The following RGSL1 variants were observed in gnomAD, a reference collection of about 807,000 sequenced individuals.
The protein encoded by RGSL1 is regulator of G protein signaling protein-like.
A neutral mutation model predicts 124.7 loss-of-function variants in RGSL1; 97 were observed. That is an observed-to-expected ratio of 0.78 (90% confidence interval 0.66 to 0.92). The LOEUF (loss-of-function observed/expected upper bound fraction) is 0.92. Among genes scored for constraint, RGSL1 ranks in the 40% least tolerant of loss-of-function variants. The pLI, the probability that RGSL1 is intolerant of heterozygous loss-of-function variation, is 0.00. For missense variants in RGSL1, 1,233 were observed against 1,288.4 expected (o/e 0.96, Z 0.66); for synonymous variants, 424 against 438.1 (o/e 0.97, Z 0.40).
intron 21 of RGSL1, 36 bp downstream of exon 21, chr1:182,556,258 T>C: frequency 1.8e-6 from 1 of 563,376 alleles, no homozygotes; most frequent in Non-Finnish European, 3.2e-6. Flanking sequence ...GAAGCGCATC[T>C]TTCCACTACA....
At chr1:182,453,374 GC>G (rs1411977797) in intron 1 of RGSL1, 1 of 152,394 alleles carries the variant, frequency 6.6e-6, no homozygotes, top group African/African-American at 2.4e-5. Flanking sequence ...CCCACTTCAG[GC>G]CCCATTACAC....
At chr1:182,495,597 G>A (rs777666204) in intron 9 of RGSL1, among the ~76,000 whole-genome samples, 2 of 152,124 alleles carry the variant, frequency 1.3e-5, no homozygotes, top group Non-Finnish European at 2.9e-5. Context: ...GCACAGGTTC[G>A]CCGCCAAAGT....
chr1:182,457,762 G>T (rs2765279), intron 2 of RGSL1, among the ~76,000 whole-genome samples: 41,611 of 151,962 alleles, frequency 0.27, 6,211 homozygotes, highest in East Asian at 0.39. Flanking sequence ...ATTTCAAAGG[G>T]GGTTGCCTAG....
At position 182,472,470 on chromosome 1, in the gene RGSL1, G is replaced by A. The variant is rs1653926178; in HGVS notation, c.376G>A (p.Asp126Asn). The A allele has an allele frequency of 6.4e-7, 1 of 1,551,082 alleles. No homozygotes were observed. ...SIDEMDLEVR[D>N]YYLSLLLMLR... The stretch of plus-strand genomic sequence containing the variant: ...AGATGAGATGGACCTGGAAGTGAGA[G>A]ACTACTACCTGTCCCTCCTCCTCAT... The change falls in exon 5 of 22, where the codon GAC (aspartate) becomes AAC (asparagine). Residue 126 changes from aspartate (D) to asparagine (N), a missense_variant. Physicochemically the swap from Asp to Asn is conservative, Grantham distance 23. Coordinates refer to ENST00000294854, the MANE Select transcript of RGSL1 (RefSeq NM_001137669.2).
intron 9 of RGSL1, among the ~76,000 whole-genome samples, chr1:182,509,101 C>G (rs796775806): frequency 6.1e-4 from 33 of 54,310 alleles, no homozygotes; most frequent in African/African-American, 1.9e-3. Flanking sequence ...TACACAGACA[C>G]GGCAACCATC....
intron 6 of RGSL1, among the ~76,000 whole-genome samples, chr1:182,479,132 C>A (rs920063832): frequency 6.6e-6 from 1 of 152,016 alleles, no homozygotes; most frequent in Non-Finnish European, 1.5e-5. Flanking sequence ...TGCTAAATAA[C>A]AATACAAAAG....
At chr1:182,453,849 C>G (rs2101978053) in intron 1 of RGSL1, 109 bp from the exon 2 acceptor site, 7 of 661,492 alleles carry the variant, frequency 1.1e-5, no homozygotes, top group South Asian at 6.9e-5. Flanking sequence ...AGGCTGTCAT[C>G]ATGCTGAGAT....
chr1:182,560,279 G>T lies in RGSL1; in HGVS notation c.*166G>T, dbSNP rs115088798. 2.0e-3 allele frequency: 301 copies of T among 152,234 alleles called. 1 individual carries two copies. The highest frequency in any genetic ancestry group is 7.0e-3 in the African/African-American group (289 of 41,512). The allele number at this position is 152,234 out of a possible 1,614,324, so 9.4% of individuals were successfully genotyped here. A position where few individuals can be genotyped will look rare whatever the true frequency, so the allele number is the denominator to read the frequency against. ...GCTTTAAGAACTCTTTGTTTTTTAG[G>T]AATCTCATACAGCCCATTCAGACTA... On this transcript the variant is annotated splice_region_variant and 3_prime_UTR_variant, in exon 22 of 22. Transcript: ENST00000294854.
At chr1:182,513,816 G>A (rs571145) in intron 9 of RGSL1, among the ~76,000 whole-genome samples, 118,606 of 151,920 alleles carry the variant, frequency 0.78, 47,392 homozygotes, top group Non-Finnish European at 0.87. Context: ...TTGACAAAAT[G>A]AGGAGATAGA....
intron 4 of RGSL1, among the ~76,000 whole-genome samples, chr1:182,465,732 C>T (rs1653265258): frequency 6.6e-6 from 1 of 152,074 alleles, no homozygotes; most frequent in South Asian, 2.1e-4. Context: ...ATACCCCAAA[C>T]ATTTAAAGAA....
chr1:182,459,340 C>T (rs2101993355), intron 3 of RGSL1, among the ~76,000 whole-genome samples: 1 of 152,234 alleles, frequency 6.6e-6, no homozygotes, highest in East Asian at 1.9e-4. Context: ...CTTCCACATC[C>T]CCTACAAGGG....
chr1:182,509,178 G>A (rs1276235899), intron 9 of RGSL1, among the ~76,000 whole-genome samples: 1 of 71,630 alleles, frequency 1.4e-5, no homozygotes, highest in Non-Finnish European at 3.0e-5. Context: ...TGTCATCCTG[G>A]CCCGTTCTCA....
At chr1:182,509,616 T>A (rs1413310641) in intron 9 of RGSL1, among the ~76,000 whole-genome samples, 1 of 103,392 alleles carries the variant, frequency 9.7e-6, no homozygotes, top group South Asian at 3.5e-4. Flanking sequence ...TAGGGGCGGC[T>A]GGGCAGAGGC....
intron 2 of RGSL1, among the ~76,000 whole-genome samples, chr1:182,456,297 A>T (rs1198909102): frequency 1.4e-5 from 2 of 145,172 alleles, no homozygotes; most frequent in Non-Finnish European, 1.5e-5. Flanking sequence ...TTCAGAAGTA[A>T]TCTTTTTTTT....
At chr1:182,549,045 G>T (rs1428064224) in intron 17 of RGSL1, 6 of 472,598 alleles carry the variant, frequency 1.3e-5, no homozygotes, top group African/African-American at 3.9e-5. Flanking sequence ...AGAGCCAAAC[G>T]CCTGGTTTCC....
intron 8 of RGSL1, among the ~76,000 whole-genome samples, chr1:182,490,781 G>A (rs1188438137): frequency 6.6e-6 from 1 of 152,102 alleles, no homozygotes; most frequent in Non-Finnish European, 1.5e-5. Context: ...CTCTATCACT[G>A]CTTTTTTGGA....
intron 8 of RGSL1, among the ~76,000 whole-genome samples, chr1:182,490,485 T>C (rs149067336): frequency 6.6e-6 from 1 of 152,348 alleles, no homozygotes; most frequent in African/African-American, 2.4e-5. Flanking sequence ...TGGATGCCTG[T>C]CTGTCAGAGC....
At chr1:182,462,613 GT>G (rs1172524954) in intron 4 of RGSL1, among the ~76,000 whole-genome samples, 1 of 151,968 alleles carries the variant, frequency 6.6e-6, no homozygotes, top group African/African-American at 2.4e-5. Flanking sequence ...ATTAAATTTT[GT>G]TTTCCACATA....
At chr1:182,541,773 A>G (rs1387303160) in intron 15 of RGSL1, among the ~76,000 whole-genome samples, 1 of 152,096 alleles carries the variant, frequency 6.6e-6, no homozygotes, top group East Asian at 1.9e-4. Context: ...AGCGACTTTA[A>G]CTAGGGTAAG....
Sources: gnomAD v4.1 joint callset for allele counts (sites outside exome capture counted in the v4.1 genomes callset) on GRCh38, gnomAD v4.1.1 for gene constraint, MANE v1.5 for transcripts, NCBI Gene and HGNC (gene_info 2026-07-23, HGNC 2026-07-21) for gene names.